Variants in KLF8 observed in about 807,000 individuals in gnomAD.
KLF8 encodes KLF transcription factor 8, also known as Krueppel-like factor 8.
KLF8 carries 10 observed loss-of-function variants against 18.2 expected under a neutral mutation model. That is an observed-to-expected ratio of 0.55 (90% CI 0.34 to 0.93). KLF8 has a LOEUF of 0.93. KLF8 is among the 40% of genes least tolerant of loss of function. The pLI is 0.02. For missense variants in KLF8, 264 were observed against 277.9 expected (o/e 0.95, Z 0.36); for synonymous variants, 109 against 97.3 (o/e 1.12, Z -0.71).
chrX:56,224,404 A>T, the KLF8 span, among the ~76,000 whole-genome samples: 3 of 112,179 alleles, frequency 2.7e-5, no homozygotes, highest in African/African-American at 9.7e-5. Context: ...ATAATAAAGG[A>T]AATAAAAACC....
chrX:56,127,408 C>A, the KLF8 span, among the ~76,000 whole-genome samples: 56 of 111,350 alleles, frequency 5.0e-4, no homozygotes, highest in Admixed American at 3.4e-3. Context: ...GTCGCTTATG[C>A]CTATAATCCC....
the KLF8 span, among the ~76,000 whole-genome samples, chrX:55,925,514 G>A: frequency 9.0e-6 from 1 of 111,385 alleles, no homozygotes; most frequent in Admixed American, 9.6e-5. Context: ...CCAAGCACTA[G>A]GGTAAGGGAT....
the KLF8 span, among the ~76,000 whole-genome samples, chrX:56,062,067 A>T: frequency 1.0e-5 from 1 of 97,326 alleles, no homozygotes; most frequent in Non-Finnish European, 2.0e-5. Context: ...TTTGCATGTG[A>T]GATGGGTCTC....
At chrX:55,968,901 G>A in the KLF8 span, among the ~76,000 whole-genome samples, 1 of 111,677 alleles carries the variant, frequency 9.0e-6, no homozygotes, top group Non-Finnish European at 1.9e-5. Flanking sequence ...TCAGCAGGAG[G>A]TTATAACAAT....
At chrX:56,050,846 C>G in the KLF8 span, among the ~76,000 whole-genome samples, 1 of 109,754 alleles carries the variant, frequency 9.1e-6, no homozygotes. Flanking sequence ...TCTCATTGAT[C>G]TGTCTAATGT....
chrX:55,998,880 A>G, the KLF8 span, among the ~76,000 whole-genome samples: 2 of 103,161 alleles, frequency 1.9e-5, no homozygotes, highest in African/African-American at 7.4e-5. Flanking sequence ...TTTTGTTGCA[A>G]TTGCTTTTGG....
At chrX:56,248,715 T>G (rs1157696520) in intron 1 of KLF8, among the ~76,000 whole-genome samples, 1 of 111,624 alleles carries the variant, frequency 9.0e-6, no homozygotes, top group Non-Finnish European at 1.9e-5. Flanking sequence ...GAGAGTTACC[T>G]GACCTCACAT....
At chrX:56,152,723 G>A in the KLF8 span, among the ~76,000 whole-genome samples, 1 of 111,441 alleles carries the variant, frequency 9.0e-6, no homozygotes, top group Non-Finnish European at 1.9e-5. Context: ...AACCTAAAGC[G>A]GAGTCTTTAC....
At chrX:56,161,311 G>A in the KLF8 span, among the ~76,000 whole-genome samples, 1 of 110,528 alleles carries the variant, frequency 9.0e-6, no homozygotes, top group Non-Finnish European at 1.9e-5. Flanking sequence ...TTGAATGTTG[G>A]CCTGCCTTGC....
chrX:56,141,130 A>T, the KLF8 span, among the ~76,000 whole-genome samples: 1 of 110,772 alleles, frequency 9.0e-6, no homozygotes, highest in Non-Finnish European at 1.9e-5. Context: ...CACCAGGCTA[A>T]TTTTTTTTAT....
At chrX:56,240,140 A>G (rs1217697262) in intron 1 of KLF8, among the ~76,000 whole-genome samples, 1 of 112,450 alleles carries the variant, frequency 8.9e-6, no homozygotes, top group Non-Finnish European at 1.9e-5. Context: ...GAATAATAAC[A>G]TACTTATTCC....
chrX:56,109,493 ATG>A, the KLF8 span, among the ~76,000 whole-genome samples: 33 of 110,321 alleles, frequency 3.0e-4, no homozygotes, highest in Non-Finnish European at 5.9e-4. Context: ...TGTTCTATAT[ATG>A]TTTACTAGGT....
At chrX:56,157,622 G>T in the KLF8 span, among the ~76,000 whole-genome samples, 2 of 111,334 alleles carry the variant, frequency 1.8e-5, no homozygotes, top group African/African-American at 6.5e-5. Flanking sequence ...GTTTTGATTT[G>T]CAATTCTCTG....
At chrX:56,198,819 A>G in the KLF8 span, among the ~76,000 whole-genome samples, 1 of 112,122 alleles carries the variant, frequency 8.9e-6, no homozygotes, top group Non-Finnish European at 1.9e-5. Flanking sequence ...TGGAGGCATC[A>G]TGCTACCTGA....
intron 5 of KLF8, among the ~76,000 whole-genome samples, chrX:56,277,103 C>T (rs1220814736): frequency 8.9e-6 from 1 of 112,078 alleles, no homozygotes; most frequent in Non-Finnish European, 1.9e-5. Context: ...CTCCTCAAAA[C>T]ATATTTTGAA....
the KLF8 span, among the ~76,000 whole-genome samples, chrX:56,061,986 C>CTTTTTTTTTTTTTTTTTT: frequency 2.1e-4 from 12 of 57,121 alleles, 1 homozygote; most frequent in African/African-American, 6.7e-4. Flanking sequence ...GCAACCCCTG[C>CTTTTTTTTTTTTTTTTTT]TTTTTTTTTT....
the KLF8 span, among the ~76,000 whole-genome samples, chrX:55,982,230 T>A: frequency 3.6e-5 from 4 of 111,991 alleles, no homozygotes; most frequent in African/African-American, 9.7e-5. Context: ...TTTTAAAACC[T>A]AACATTAATG....
At chrX:56,090,371 T>TA in the KLF8 span, among the ~76,000 whole-genome samples, 10 of 111,544 alleles carry the variant, frequency 9.0e-5, no homozygotes, top group South Asian at 3.8e-4. Flanking sequence ...TGGTTTTCAT[T>TA]AAAAAAAATT....
chrX:56,044,876 G>C, the KLF8 span, among the ~76,000 whole-genome samples: 3 of 112,339 alleles, frequency 2.7e-5, no homozygotes, highest in African/African-American at 9.7e-5. Context: ...GTTATGTATG[G>C]ACAGATTTCC....
Sources: allele counts gnomAD v4.1 joint callset (sites outside exome capture counted in the v4.1 genomes callset), GRCh38; gene constraint gnomAD v4.1.1; transcripts MANE v1.5; gene names NCBI Gene and HGNC (gene_info 2026-07-23, HGNC 2026-07-21).